Variants in GUSB observed in about 807,000 individuals in gnomAD.
GUSB encodes the protein beta-glucuronidase.
GUSB carries 51 observed loss-of-function variants against 74.6 expected under a neutral mutation model. That is an observed-to-expected ratio of 0.68 (90% CI 0.55 to 0.86). The LOEUF (loss-of-function observed/expected upper bound fraction) is 0.86, where lower values mean the gene tolerates loss of function less well. Among genes scored for constraint, GUSB ranks in the 40% least tolerant of loss-of-function variants. The pLI is 0.00. For synonymous variants in GUSB, 360 were observed against 348.3 expected (o/e 1.03, Z -0.37); for missense variants, 736 against 853.7 (o/e 0.86, Z 1.72).
intron 4 of GUSB, among the ~76,000 whole-genome samples, chr7:65,977,860 G>A (rs1791690568): frequency 1.3e-5 from 2 of 151,808 alleles, no homozygotes. Flanking sequence ...CCCTAGGCTG[G>A]AGTGCAGTGA....
intron 2 of GUSB, 125 bp from the exon 3 acceptor site, chr7:65,980,036 A>G: frequency 1.0e-6 from 1 of 961,694 alleles, no homozygotes; most frequent in Non-Finnish European, 1.6e-6. Flanking sequence ...AGACGGGAAG[A>G]ATGACATCCC....
chr7:65,972,663 T>C (rs1044111482), intron 8 of GUSB, among the ~76,000 whole-genome samples: 3 of 152,136 alleles, frequency 2.0e-5, no homozygotes, highest in African/African-American at 7.2e-5. Context: ...TGTGACAGCC[T>C]GGCTGAACCT....
Position 65,982,024 on chromosome 7 carries a change from T to C in GUSB, c.160A>G (p.Asn54Asp). The C allele has an allele frequency of 1.2e-6, 2 of 1,610,354 alleles. No individual in the cohort carries two copies. Among genetic ancestry groups the C allele is most frequent in the Non-Finnish European group, 8.5e-7 (1 of 1,179,370 alleles). The change falls in exon 1 of 12, where the codon AAC (asparagine) becomes GAC (aspartate). Residue 54 changes from asparagine (N) to aspartate (D), a missense_variant. By Grantham distance (23) the Asn-to-Asp change is conservative. This residue lies in a region of GUSB where 368 missense variants were observed against 363.8 expected (regional missense o/e 1.01). Coordinates refer to ENST00000304895, the MANE Select transcript of GUSB (RefSeq NM_000181.4). ...TGCTCCTCGAAGCCCCGGCGTCGGT[T>C]GTCAGAGAAGTCGGCGCGGAAGCTC... Reference protein sequence around the residue: ...LWSFRADFSDNRRRGFEEQWY... With the variant: ...LWSFRADFSDDRRRGFEEQWY...
chr7:65,981,719 C>G, intron 1 of GUSB: 1 of 431,542 alleles, frequency 2.3e-6, no homozygotes, highest in Middle Eastern at 6.0e-4. Flanking sequence ...AGGAAGGATA[C>G]TGCACAGACT....
chr7:65,963,676 G>A (rs1477100346), intron 11 of GUSB, among the ~76,000 whole-genome samples: 2 of 152,164 alleles, frequency 1.3e-5, no homozygotes, highest in African/African-American at 2.4e-5. Context: ...CTCCCAAGCA[G>A]CTGAGACTAC....
Position 65,972,249 on chromosome 7 carries a change from C to G in GUSB, c.1392-1883G>C, listed in dbSNP as rs556815070. Among the ~76,000 whole-genome samples the G allele has an allele frequency of 2.8e-4, 43 of 152,112 alleles. 2 individuals carry two copies. In the South Asian group the frequency reaches 8.5e-3, roughly 30 times the overall value. ...TGATCTTGGCTCACTGCAACCTCCA[C>G]CTCCTGGGCTCAAGCAATTCTCCTG... On this transcript the variant is annotated intron_variant, in intron 8 of 11. Coordinates refer to ENST00000304895, the MANE Select transcript of GUSB (RefSeq NM_000181.4).
rs754238750 is a variant in GUSB, at chr7:65,960,928, G to A, written c.1925C>T (p.Ser642Leu). The change falls in exon 12 of 12, where the codon TCA becomes TTA. Residue 642 changes from serine to leucine, a missense_variant. Physicochemically the swap from Ser to Leu is moderately radical, Grantham distance 145. Coordinates refer to ENST00000304895, the MANE Select transcript of GUSB (RefSeq NM_000181.4). The part of the protein sequence containing the change: ...ETRYPHSVAK[S>L]QCLENSLFT ...AAACAGGCTGTTTTCCAAACATTGT[G>A]ACTTGGCTACTGAGTGGGGATACCT... The A allele has an allele frequency of 4.3e-6, 7 of 1,614,010 alleles. No homozygotes were observed. The highest frequency in any genetic ancestry group is 2.2e-5 in the East Asian group (1 of 44,874).
At chr7:65,972,462 C>A (rs532778821) in intron 8 of GUSB, among the ~76,000 whole-genome samples, 1 of 152,332 alleles carries the variant, frequency 6.6e-6, no homozygotes, top group Non-Finnish European at 1.5e-5. Context: ...CCGCACCCAG[C>A]CTAGACTGTT....
intron 2 of GUSB, 40 bp downstream of exon 2, chr7:65,980,184 T>TGTG: frequency 1.4e-6 from 1 of 720,098 alleles, no homozygotes; most frequent in South Asian, 1.6e-5. Flanking sequence ...TCAGCAGCCG[T>TGTG]GCCCCCCCAC....
rs952039719 is a variant in GUSB, at chr7:65,982,070, G to A, written c.114C>T (p.Cys38=). 1 of 1,608,670 alleles carries A rather than the reference G, an allele frequency of 6.2e-7. No individual in the cohort carries two copies. Among genetic ancestry groups the A allele is most frequent in the Admixed American group, 1.7e-5 (1 of 59,782 alleles). ...AGCTCCAGAGGCCGTCCAGCTCCTT[G>A]CACTCCCGCGACGGGCTCTCCTGGG... The part of the protein sequence containing the change: ...LYPQESPSRE[C]KELDGLWSFR... Residue 38 remains cysteine (C), a synonymous_variant, in exon 1 of 12, where the codon TGC becomes TGT. Transcript: ENST00000304895.
chr7:65,979,725 A>C lies in GUSB; in HGVS notation c.581+2T>G. 6.2e-7 allele frequency: 1 copy of C among 1,613,396 alleles called. No homozygotes were observed. Among genetic ancestry groups the C allele is most frequent in the Non-Finnish European group, 8.5e-7 (1 of 1,179,676 alleles). On this transcript the variant is annotated splice_donor_variant, in intron 3 of 11. Transcript: ENST00000304895. LOFTEE classifies it high-confidence loss of function. ...GTGCAATGGAGGCAGGATGGTACCC[A>C]CTTGGAGGTGTCAGTCAGGTATTGG...
At chr7:65,977,013 G>A (rs79017614) in intron 4 of GUSB, among the ~76,000 whole-genome samples, 2 of 152,070 alleles carry the variant, frequency 1.3e-5, no homozygotes, top group African/African-American at 4.8e-5. Context: ...GCAACCAGAG[G>A]ACGGCCCAGA....
chr7:65,966,316 C>T (rs552856954), intron 10 of GUSB, among the ~76,000 whole-genome samples: 2 of 152,208 alleles, frequency 1.3e-5, no homozygotes, highest in East Asian at 1.9e-4. Flanking sequence ...AACAGAACAG[C>T]GCAGTCCACT....
rs1790456990 is a variant in GUSB, at chr7:65,961,049, G to A, written c.1804C>T (p.Leu602=). 3.7e-6 allele frequency: 6 copies of A among 1,609,634 alleles called. No individual in the cohort carries two copies. The highest frequency in any genetic ancestry group is 5.1e-6 in the Non-Finnish European group (6 of 1,178,192). The change falls in exon 12 of 12, where the codon CTG becomes TTG. Residue 602 remains leucine, a synonymous_variant. Coordinates refer to ENST00000304895, the MANE Select transcript of GUSB (RefSeq NM_000181.4). ...GTGAAGATCCCCTTTTTATTCCCCA[G>A]CACTCTCGTCGGTGCTACAAAAAAA... ...FMTEQSPTRV[L]GNKKGIFTRQ...
At chr7:65,970,060 G>C (rs1791092002) in intron 9 of GUSB, among the ~76,000 whole-genome samples, 1 of 152,202 alleles carries the variant, frequency 6.6e-6, no homozygotes, top group East Asian at 1.9e-4. Flanking sequence ...TGTAACCCCA[G>C]CCCTTTGGGA....
chr7:65,969,362 G>A (rs1791049868), intron 9 of GUSB, among the ~76,000 whole-genome samples: 1 of 152,018 alleles, frequency 6.6e-6, no homozygotes, highest in African/African-American at 2.4e-5. Flanking sequence ...CTGGGCAACA[G>A]AGCAAGATTC....
chr7:65,964,640 AAGG>A (rs1435580453), intron 10 of GUSB, among the ~76,000 whole-genome samples, 182 bp from the exon 11 acceptor site: 1 of 152,176 alleles, frequency 6.6e-6, no homozygotes, highest in Non-Finnish European at 1.5e-5. Flanking sequence ...CAGAATAAAA[AAGG>A]AGGTTTAAAA....
intron 1 of GUSB, among the ~76,000 whole-genome samples, chr7:65,981,048 C>G (rs1306458725): frequency 6.6e-6 from 1 of 152,162 alleles, no homozygotes; most frequent in East Asian, 1.9e-4. Context: ...GTCACCTTCT[C>G]CCGATCCCCG....
chr7:65,977,156 A>G (rs1791638808), intron 4 of GUSB, among the ~76,000 whole-genome samples: 1 of 152,104 alleles, frequency 6.6e-6, no homozygotes, highest in Non-Finnish European at 1.5e-5. Flanking sequence ...TCTGTGTCTC[A>G]GGGTGAACTG....
Sources: allele counts gnomAD v4.1 joint callset (sites outside exome capture counted in the v4.1 genomes callset), GRCh38; gene constraint gnomAD v4.1.1; regional missense constraint gnomAD v4.1.1; transcripts MANE v1.5; gene names NCBI Gene and HGNC (gene_info 2026-07-23, HGNC 2026-07-21).